The following BCL2 variants were observed in gnomAD, a reference collection of about 807,000 sequenced individuals.
The protein encoded by BCL2 is BCL2 apoptosis regulator.
A neutral mutation model predicts 14.2 loss-of-function variants in BCL2; 1 was observed. The ratio of observed to expected loss-of-function variants is 0.07; its 90% CI spans 0.02 to 0.33. The LOEUF (loss-of-function observed/expected upper bound fraction) is 0.33, where lower values mean the gene tolerates loss of function less well. Among genes scored for constraint, BCL2 ranks in the 10% least tolerant of loss-of-function variants. BCL2 has a pLI of 0.99. For missense variants in BCL2, 247 were observed against 305.9 expected (o/e 0.81, Z 1.44); for synonymous variants, 151 against 137.2 (o/e 1.10, Z -0.70).
chr18:63,213,736 GAC>G (rs1272047508), intron 2 of BCL2, among the ~76,000 whole-genome samples: 2 of 152,110 alleles, frequency 1.3e-5, no homozygotes, highest in Non-Finnish European at 2.9e-5. Context: ...TTGTTCTCCT[GAC>G]AGCTCTGTGG....
intron 2 of BCL2, among the ~76,000 whole-genome samples, chr18:63,253,106 G>A (rs961830244): frequency 6.6e-6 from 1 of 152,178 alleles, no homozygotes; most frequent in Non-Finnish European, 1.5e-5. Context: ...TGCCACTTAC[G>A]TAGTGTTTAT....
chr18:63,255,406 A>T (rs914185990), intron 2 of BCL2, among the ~76,000 whole-genome samples: 2 of 152,102 alleles, frequency 1.3e-5, no homozygotes, highest in African/African-American at 4.8e-5. Context: ...CACCACCTTC[A>T]TTTATCCTTA....
chr18:63,228,426 C>T lies in BCL2; in HGVS notation c.585+89656G>A, dbSNP rs1351290478. 2.6e-5 allele frequency among the ~76,000 whole-genome samples: 4 copies of T among 152,228 alleles called. No individual in the cohort carries two copies. In the East Asian group the frequency reaches 7.7e-4, roughly 29 times the overall value. On this transcript the variant is annotated intron_variant, in intron 2 of 2. Coordinates refer to ENST00000333681, the MANE Select transcript of BCL2 (RefSeq NM_000633.3). ...GATATAGAACAGCATAACTTTATACCCCCCAGCATAACTTTATCTACCTCA... is the reference window on the plus strand; with the variant it reads ...GATATAGAACAGCATAACTTTATACTCCCCAGCATAACTTTATCTACCTCA...
chr18:63,193,691 A>G (rs1030399472), intron 2 of BCL2, among the ~76,000 whole-genome samples: 8 of 151,812 alleles, frequency 5.3e-5, no homozygotes, highest in African/African-American at 1.9e-4. Flanking sequence ...CATTTTCCGT[A>G]TCCATGCATC....
chr18:63,268,616 T>C (rs1337638045), intron 2 of BCL2, among the ~76,000 whole-genome samples: 1 of 152,220 alleles, frequency 6.6e-6, no homozygotes, highest in Admixed American at 6.5e-5. Context: ...TTTACATTGG[T>C]TTCACGACAG....
chr18:63,153,511 G>A (rs1167043895), intron 2 of BCL2, among the ~76,000 whole-genome samples: 1 of 152,162 alleles, frequency 6.6e-6, no homozygotes. Flanking sequence ...TGCAGAGTCC[G>A]TAATTTTTAA....
chr18:63,172,703 C>T (rs1221154462), intron 2 of BCL2, among the ~76,000 whole-genome samples: 2 of 152,112 alleles, frequency 1.3e-5, no homozygotes. Context: ...ATGGCGTGAA[C>T]CTGGGAGGTG....
chr18:63,302,660 C>T, intron 2 of BCL2: 1 of 984,794 alleles, frequency 1.0e-6, no homozygotes. Context: ...AAATATTCAA[C>T]CTATATATGT....
intron 2 of BCL2, among the ~76,000 whole-genome samples, chr18:63,246,308 C>G (rs1911149365): frequency 6.6e-6 from 1 of 152,170 alleles, no homozygotes. Flanking sequence ...AGGCCTCAAG[C>G]CAAAGAAACA....
At chr18:63,275,684 T>C (rs1912132348) in intron 2 of BCL2, among the ~76,000 whole-genome samples, 2 of 152,234 alleles carry the variant, frequency 1.3e-5, no homozygotes, top group South Asian at 4.1e-4. Flanking sequence ...TCCAATTATC[T>C]CTCTACTGTC....
At chr18:63,285,692 T>TCTC (rs4987728) in intron 2 of BCL2, among the ~76,000 whole-genome samples, 140,630 of 152,110 alleles carry the variant, frequency 0.92, 65,664 homozygotes, top group South Asian at 0.99. Flanking sequence ...AACAGGCTCA[T>TCTC]CTCTCATCTC....
chr18:63,285,452 G>T (rs1024801964), intron 2 of BCL2, among the ~76,000 whole-genome samples: 5 of 152,190 alleles, frequency 3.3e-5, no homozygotes, highest in African/African-American at 7.2e-5. Flanking sequence ...ATCTCCCCAA[G>T]AATGCACGCC....
intron 2 of BCL2, among the ~76,000 whole-genome samples, chr18:63,143,571 C>G (rs574404737): frequency 6.6e-6 from 1 of 152,372 alleles, no homozygotes; most frequent in Non-Finnish European, 1.5e-5. Flanking sequence ...ACTTTTGCAG[C>G]TTGCAGCGGC....
chr18:63,280,568 G>A (rs947268073), intron 2 of BCL2, among the ~76,000 whole-genome samples: 7 of 152,048 alleles, frequency 4.6e-5, no homozygotes, highest in Non-Finnish European at 7.4e-5. Context: ...TGGCCAATCC[G>A]CACATAAGAA....
chr18:63,292,249 C>T (rs1912674216), intron 2 of BCL2, among the ~76,000 whole-genome samples: 1 of 151,020 alleles, frequency 6.6e-6, no homozygotes, highest in South Asian at 2.1e-4. Flanking sequence ...AAAAATCATG[C>T]CCAATCCTTC....
intron 2 of BCL2, among the ~76,000 whole-genome samples, chr18:63,219,624 C>A (rs1416578433): frequency 6.6e-6 from 1 of 152,014 alleles, no homozygotes; most frequent in Non-Finnish European, 1.5e-5. Flanking sequence ...AAGTTGCTAA[C>A]CCTGATAATT....
chr18:63,129,292 C>CTT lies in BCL2; in HGVS notation c.586-535_586-534dup, dbSNP rs71160900. 3.1e-3 allele frequency among the ~76,000 whole-genome samples: 452 copies of CTT among 145,178 alleles called. 3 individuals carry two copies. Among genetic ancestry groups the CTT allele is most frequent in the African/African-American group, 7.0e-3 (279 of 39,576 alleles). Reference sequence around the variant, plus strand: ...AGTCTTTGTACCAAACTTTTTCTTTCTTTTTTTTTTTTTAGAGACAAGAGT... The same window carrying CTT: ...AGTCTTTGTACCAAACTTTTTCTTTCTTTTTTTTTTTTTTTAGAGACAAGAGT... On this transcript the variant is annotated intron_variant, in intron 2 of 2. Transcript: ENST00000333681.
At chr18:63,206,320 A>G (rs1909836271) in intron 2 of BCL2, among the ~76,000 whole-genome samples, 1 of 152,350 alleles carries the variant, frequency 6.6e-6, no homozygotes, top group East Asian at 1.9e-4. Context: ...CCAAGGATAA[A>G]CACAAGTAAG....
chr18:63,174,662 A>G (rs1915306930), intron 2 of BCL2, among the ~76,000 whole-genome samples: 1 of 152,064 alleles, frequency 6.6e-6, no homozygotes, highest in South Asian at 2.1e-4. Context: ...TCTACTAAAA[A>G]TACCAAAACT....
Sources: gnomAD v4.1 joint callset for allele counts (sites outside exome capture counted in the v4.1 genomes callset) on GRCh38, gnomAD v4.1.1 for gene constraint, MANE v1.5 for transcripts, NCBI Gene and HGNC (gene_info 2026-07-23, HGNC 2026-07-21) for gene names.